Variants in NME7 observed in about 807,000 individuals in gnomAD.
NME7 encodes NME/NM23 family member 7, also known as nucleoside diphosphate kinase 7.
In NME7, 41 loss-of-function variants were observed where a neutral mutation model predicts 49.1. The ratio of observed to expected loss-of-function variants is 0.83; its 90% CI spans 0.65 to 1.08. The LOEUF is 1.08. NME7 is among the 50% of genes least tolerant of loss of function. The pLI, the probability that NME7 is intolerant of heterozygous loss-of-function variation, is 0.00. For synonymous variants in NME7, 139 were observed against 150.6 expected (o/e 0.92, Z 0.56); for missense variants, 423 against 463.4 (o/e 0.91, Z 0.80).
intron 10 of NME7, among the ~76,000 whole-genome samples, chr1:169,185,060 G>T (rs78236614): frequency 2.4e-4 from 37 of 152,216 alleles, no homozygotes; most frequent in African/African-American, 8.2e-4. Context: ...CCCATGCAAC[G>T]TTTCACAGGA....
intron 11 of NME7, among the ~76,000 whole-genome samples, chr1:169,159,943 A>C (rs965746239): frequency 1.3e-5 from 2 of 152,230 alleles, no homozygotes; most frequent in South Asian, 4.1e-4. Flanking sequence ...CCATGATCCT[A>C]GGTGATTTCA....
intron 9 of NME7, among the ~76,000 whole-genome samples, chr1:169,231,469 G>A (rs1237836867): frequency 6.6e-6 from 1 of 152,128 alleles, no homozygotes; most frequent in Non-Finnish European, 1.5e-5. Flanking sequence ...TGCACTTCGG[G>A]GAGGCCAATG....
chr1:169,172,430 C>G (rs1659630938), intron 10 of NME7, among the ~76,000 whole-genome samples: 1 of 151,750 alleles, frequency 6.6e-6, no homozygotes, highest in African/African-American at 2.4e-5. Flanking sequence ...CACAGTGAAA[C>G]AGTATCTCCT....
chr1:169,294,372 A>C (rs1245925193), intron 6 of NME7, among the ~76,000 whole-genome samples: 1 of 152,204 alleles, frequency 6.6e-6, no homozygotes, highest in East Asian at 1.9e-4. Flanking sequence ...TGATGAAAAT[A>C]ATGCTAAATT....
intron 3 of NME7, among the ~76,000 whole-genome samples, chr1:169,310,349 C>T (rs1651336888): frequency 2.0e-5 from 3 of 151,886 alleles, no homozygotes; most frequent in African/African-American, 7.3e-5. Context: ...TTAATATATC[C>T]AAATGAGAAA....
At chr1:169,219,455 C>T (rs147499965) in intron 10 of NME7, among the ~76,000 whole-genome samples, 2,267 of 152,220 alleles carry the variant, frequency 0.015, 63 homozygotes, top group African/African-American at 0.051. Flanking sequence ...CTTAACTATG[C>T]GCAGATTTTG....
chr1:169,353,296 G>C (rs1653247671), intron 1 of NME7, among the ~76,000 whole-genome samples: 1 of 151,972 alleles, frequency 6.6e-6, no homozygotes, highest in East Asian at 1.9e-4. Context: ...TATTGGAGAA[G>C]ACAGCCTCTT....
At chr1:169,149,721 G>T (rs866815338) in intron 11 of NME7, among the ~76,000 whole-genome samples, 14 of 152,232 alleles carry the variant, frequency 9.2e-5, no homozygotes, top group South Asian at 2.1e-4. Flanking sequence ...GATGATGAAG[G>T]GTCAAAGCAG....
intron 10 of NME7, among the ~76,000 whole-genome samples, chr1:169,172,336 GTGTGTGTGTGTGTGTGTGTA>G (rs943994163): frequency 8.1e-5 from 10 of 123,842 alleles, no homozygotes; most frequent in East Asian, 5.0e-4. Context: ...GTGTGTGTGT[GTGTGTGTGTGTGTGTGTGTA>G]TGTGTATGTG....
Position 169,259,744 on chromosome 1 carries a change from T to C in NME7, c.755-22057A>G, listed in dbSNP as rs1487506112. 1.5e-5 allele frequency among the ~76,000 whole-genome samples: 2 copies of C among 134,330 alleles called. 1 individual carries two copies. The highest frequency in any genetic ancestry group is 3.5e-5 in the Non-Finnish European group (2 of 57,030). The allele number at this position is 134,330 out of a possible 152,430, so 88.1% of individuals were successfully genotyped here. Reference sequence around the variant, plus strand: ...CATATATGAAACTTCATATTCTGATTCAGCCCAATACTTAAATAAGATTTG... The same window carrying C: ...CATATATGAAACTTCATATTCTGATCCAGCCCAATACTTAAATAAGATTTG... On this transcript the variant is annotated intron_variant, in intron 7 of 11. Coordinates refer to ENST00000367811, the MANE Select transcript of NME7 (RefSeq NM_013330.5).
chr1:169,247,266 A>G (rs765272737), intron 7 of NME7, among the ~76,000 whole-genome samples: 2 of 152,220 alleles, frequency 1.3e-5, no homozygotes, highest in Non-Finnish European at 2.9e-5. Context: ...GTTAATACAG[A>G]AAAGTTAACC....
chr1:169,183,803 GA>G (rs780077050), intron 10 of NME7, among the ~76,000 whole-genome samples: 1 of 147,426 alleles, frequency 6.8e-6, no homozygotes, highest in African/African-American at 2.5e-5. Context: ...CTCCATCTCA[GA>G]AAAAAAGAAA....
chr1:169,168,828 T>A (rs1281576549), intron 11 of NME7: 1 of 455,006 alleles, frequency 2.2e-6, no homozygotes, highest in African/African-American at 2.0e-5. Flanking sequence ...TTTCTATTTT[T>A]TTGATATTTC....
At chr1:169,143,542 T>C (rs914303279) in intron 11 of NME7, among the ~76,000 whole-genome samples, 1 of 152,192 alleles carries the variant, frequency 6.6e-6, no homozygotes, top group African/African-American at 2.4e-5. Flanking sequence ...TACTTGTCCA[T>C]TTCCTTTTGT....
intron 7 of NME7, among the ~76,000 whole-genome samples, chr1:169,281,986 T>C (rs1254159743): frequency 3.3e-5 from 5 of 152,226 alleles, no homozygotes; most frequent in Non-Finnish European, 7.3e-5. Context: ...AAGGATTCCC[T>C]CTTTTTCTAT....
At chr1:169,232,130 TAA>T (rs1647648507) in intron 9 of NME7, among the ~76,000 whole-genome samples, 1 of 152,108 alleles carries the variant, frequency 6.6e-6, no homozygotes. Context: ...AAAAAATATT[TAA>T]AAGATCCAAA....
At chr1:169,168,133 A>AC (rs1331658859) in intron 11 of NME7, among the ~76,000 whole-genome samples, 2 of 152,146 alleles carry the variant, frequency 1.3e-5, no homozygotes, top group Non-Finnish European at 2.9e-5. Flanking sequence ...GTAGTGCAAG[A>AC]CCCTGGAGGT....
At chr1:169,279,101 G>T (rs1011450098) in intron 7 of NME7, among the ~76,000 whole-genome samples, 2 of 152,204 alleles carry the variant, frequency 1.3e-5, no homozygotes, top group African/African-American at 4.8e-5. Flanking sequence ...CCTCCTGTGG[G>T]GGTGCCTCCC....
At chr1:169,311,318 T>C (rs187163311) in intron 3 of NME7, among the ~76,000 whole-genome samples, 1 of 148,688 alleles carries the variant, frequency 6.7e-6, no homozygotes, top group South Asian at 2.1e-4. Context: ...ACTAAGGAGG[T>C]TGAGGCAGGA....
Sources: allele counts gnomAD v4.1 joint callset (sites outside exome capture counted in the v4.1 genomes callset), GRCh38; gene constraint gnomAD v4.1.1; transcripts MANE v1.5; gene names NCBI Gene and HGNC (gene_info 2026-07-23, HGNC 2026-07-21).